Variants in EEF2KMT observed in about 807,000 individuals in gnomAD.
EEF2KMT encodes the protein protein-lysine N-methyltransferase EEF2KMT.
EEF2KMT carries 30 observed loss-of-function variants against 35.1 expected under a neutral mutation model. The observed-to-expected ratio is 0.85, with a 90% CI of 0.64 to 1.16. The LOEUF (loss-of-function observed/expected upper bound fraction) is 1.16. Among genes scored for constraint, EEF2KMT ranks in the 50% most tolerant of loss-of-function variants. The pLI is 0.00. For synonymous variants in EEF2KMT, 190 were observed against 187.7 expected (o/e 1.01, Z -0.10); for missense variants, 499 against 438.2 (o/e 1.14, Z -1.24).
Position 5,091,832 on chromosome 16 carries a change from C to T in EEF2KMT, c.304G>A (p.Ala102Thr). 1.9e-6 allele frequency: 3 copies of T among 1,611,888 alleles called. No individual in the cohort carries two copies. Among genetic ancestry groups the T allele is most frequent in the East Asian group, 4.5e-5 (2 of 44,874 alleles). The change falls in exon 4 of 8, where the codon GCC becomes ACC. Residue 102 changes from alanine to threonine, a missense_variant. Transcript: ENST00000427587. Reference sequence around the variant, plus strand: ...CGGTGGCCCTGGGTGGACTCCTTGGCCATCAGGGTCTCCGCCAGCGCTTCA... The same window carrying T: ...CGGTGGCCCTGGGTGGACTCCTTGGTCATCAGGGTCTCCGCCAGCGCTTCA... ...LYEALAETLM[A>T]KESTQGHRSY...
chr16:5,095,640 A>T (rs1957443507), intron 1 of EEF2KMT, 126 bp from the exon 2 acceptor site: 1 of 1,461,680 alleles, frequency 6.8e-7, no homozygotes, highest in Non-Finnish European at 9.5e-7. Flanking sequence ...TGGAAGTGGA[A>T]GCCACAGCGG....
In EEF2KMT at chr16:5,084,508, C is replaced by G. The variant is rs1006577379; in HGVS notation, c.*1124G>C. ...AGGGGAATGGGCAGCACGTAGAGGC[C>G]GGGAGGTGCTCCAGGGCACCAAGTG... is the stretch of plus-strand genomic sequence containing the variant. On this transcript the variant is annotated 3_prime_UTR_variant, in exon 8 of 8. Transcript: ENST00000427587. The G allele has an allele frequency of 1.5e-6, 1 of 663,100 alleles. No homozygotes were observed. The highest frequency in any genetic ancestry group is 1.8e-5 in the African/African-American group (1 of 55,560). 41.1% of individuals were successfully genotyped at this position (663,100 alleles called of 1,614,324 possible). A position where few individuals can be genotyped will look rare whatever the true frequency, so the allele number is the denominator to read the frequency against.
intron 7 of EEF2KMT, chr16:5,087,382 C>A (rs953080149): frequency 1.3e-5 from 2 of 152,222 alleles, no homozygotes; most frequent in African/African-American, 4.8e-5. Context: ...GAGATGAAGT[C>A]TCGCTATGTT....
At chr16:5,095,609 C>A in intron 1 of EEF2KMT, 95 bp from the exon 2 acceptor site, 1 of 1,581,570 alleles carries the variant, frequency 6.3e-7, no homozygotes, top group Non-Finnish European at 8.7e-7. Context: ...TGTGATCCCT[C>A]CCTGGGGACG....
chr16:5,090,661 C>G lies in EEF2KMT; in HGVS notation c.343-96G>C, dbSNP rs992489957. ...CACCACATGGCTGAATAAACCATGA[C>G]AGGACCAATCGCCACTCAGCAATGA... On this transcript the variant is annotated intron_variant, in intron 4 of 7. Coordinates refer to ENST00000427587, the MANE Select transcript of EEF2KMT (RefSeq NM_201400.4). This position sits in a 1 kb window ranked among gnomAD's most constrained non-coding sequence, Gnocchi z 4.1. 3 of 1,502,748 alleles carry G rather than the reference C, an allele frequency of 2.0e-6. No individual in the cohort carries two copies. The highest frequency in any genetic ancestry group is 2.7e-6 in the Non-Finnish European group (3 of 1,096,462). The allele number at this position is 1,502,748 out of a possible 1,614,324, so 93.1% of individuals were successfully genotyped here.
chr16:5,090,321 C>T lies in EEF2KMT; in HGVS notation c.505G>A (p.Gly169Ser), dbSNP rs772775979. Residue 169 changes from glycine (G) to serine (S), a missense_variant, in exon 6 of 8, where the codon GGC becomes AGC. Gly to Ser is a moderately conservative substitution (Grantham distance 56, BLOSUM62 0). Coordinates refer to ENST00000427587, the MANE Select transcript of EEF2KMT (RefSeq NM_201400.4). This position sits in a 1 kb window ranked among gnomAD's most constrained non-coding sequence, Gnocchi z 4.1. Reference sequence around the variant, plus strand: ...TTGCAGATGGCCAGGCCTGTGAGGCCAGCACCACTGCCAAGCTCTAGGACA... The same window carrying T: ...TTGCAGATGGCCAGGCCTGTGAGGCTAGCACCACTGCCAAGCTCTAGGACA... ...RTVLELGSGA[G>S]LTGLAICKMC... is the part of the protein sequence containing the mutation. 6.2e-7 allele frequency: 1 copy of T among 1,612,070 alleles called. No individual in the cohort carries two copies. Among genetic ancestry groups the T allele is most frequent in the South Asian group, 1.1e-5 (1 of 90,996 alleles).
In EEF2KMT at chr16:5,090,698, C is replaced by A. The variant is rs191594257; in HGVS notation, c.343-133G>T. 8 of 1,260,830 alleles carry A rather than the reference C, an allele frequency of 6.3e-6. No homozygotes were observed. In the South Asian group the frequency reaches 9.8e-5, roughly 15 times the overall value. 78.1% of individuals were successfully genotyped at this position (1,260,830 alleles called of 1,614,324 possible). ...CCACTCAGCAATGAGAAGCAGCTAA[C>A]TGTTGGCATGCCAACAGCTTTCACG... On this transcript the variant is annotated intron_variant, in intron 4 of 7. Coordinates refer to ENST00000427587, the MANE Select transcript of EEF2KMT (RefSeq NM_201400.4). This position sits in a 1 kb window ranked among gnomAD's most constrained non-coding sequence, Gnocchi z 4.1.
intron 7 of EEF2KMT, 151 bp downstream of exon 7, chr16:5,088,956 C>G: frequency 1.3e-6 from 2 of 1,542,900 alleles, no homozygotes; most frequent in South Asian, 1.1e-5. Flanking sequence ...CCAAGCCCAC[C>G]CTGCTCACTG....
chr16:5,096,987 T>C (rs1468947699), intron 1 of EEF2KMT, among the ~76,000 whole-genome samples: 1 of 152,174 alleles, frequency 6.6e-6, no homozygotes, highest in East Asian at 1.9e-4. Flanking sequence ...GAGGAATATA[T>C]ATCCAAACTC....
At position 5,085,161 on chromosome 16, in the gene EEF2KMT, C is replaced by G; in HGVS notation, c.*471G>C. On this transcript the variant is annotated 3_prime_UTR_variant, in exon 8 of 8. Transcript: ENST00000427587. The stretch of plus-strand genomic sequence containing the variant: ...TACTGTTCTGTGACTTCCCTGTGAC[C>G]TCTGCAGAACTCCTCATCCTGCGTT... The G allele has an allele frequency of 1.7e-6, 1 of 598,078 alleles. No homozygotes were observed. Among genetic ancestry groups the G allele is most frequent in the South Asian group, 2.0e-5 (1 of 49,102 alleles). The allele number at this position is 598,078 out of a possible 1,614,324, so 37.0% of individuals were successfully genotyped here.
At chr16:5,096,818 C>G (rs2334147) in intron 1 of EEF2KMT, among the ~76,000 whole-genome samples, 1 of 152,238 alleles carries the variant, frequency 6.6e-6, no homozygotes, top group African/African-American at 2.4e-5. Flanking sequence ...ACAGTCAATA[C>G]TGAATGGAGA....
chr16:5,084,884 C>G lies in EEF2KMT; in HGVS notation c.*748G>C. ...TCCCTTTGGTTATGGACACATAACTCCTGGGCCAGAGGCTAAAACCCCAGG... is the reference window on the plus strand; with the variant it reads ...TCCCTTTGGTTATGGACACATAACTGCTGGGCCAGAGGCTAAAACCCCAGG... On this transcript the variant is annotated 3_prime_UTR_variant, in exon 8 of 8. Transcript: ENST00000427587. The G allele has an allele frequency of 3.8e-6, 6 of 1,588,174 alleles. No individual in the cohort carries two copies. The highest frequency in any genetic ancestry group is 5.1e-6 in the Non-Finnish European group (6 of 1,175,780).
intron 1 of EEF2KMT, chr16:5,097,350 C>T (rs1405226628): frequency 2.1e-6 from 3 of 1,445,970 alleles, no homozygotes; most frequent in South Asian, 2.4e-5. Flanking sequence ...AGAACGATTA[C>T]TGCCTTTAAA....
intron 1 of EEF2KMT, 58 bp downstream of exon 1, chr16:5,097,586 C>G (rs1247578086): frequency 6.5e-7 from 1 of 1,528,284 alleles, no homozygotes; most frequent in Non-Finnish European, 8.7e-7. Flanking sequence ...AGACCCGTCC[C>G]GTCTGCCCCT....
intron 6 of EEF2KMT, 149 bp from the exon 7 acceptor site, chr16:5,089,405 A>G (rs1482223664): frequency 3.7e-5 from 40 of 1,093,398 alleles, no homozygotes; most frequent in Middle Eastern, 6.0e-4. Context: ...TGGAAAGGCA[A>G]TTACTTGGGT....
intron 4 of EEF2KMT, 116 bp downstream of exon 4, chr16:5,091,678 A>T: frequency 1.3e-6 from 2 of 1,501,018 alleles, no homozygotes; most frequent in South Asian, 1.3e-5. Flanking sequence ...GACGGACCTC[A>T]TGTCTAAGAC....
intron 4 of EEF2KMT, among the ~76,000 whole-genome samples, chr16:5,091,565 G>T (rs1462062099): frequency 6.6e-6 from 1 of 152,250 alleles, no homozygotes; most frequent in South Asian, 2.1e-4. Context: ...GAAGCAGGTA[G>T]TGTGTGTCAC....
In EEF2KMT at chr16:5,097,724, T is replaced by C; in HGVS notation, c.16A>G (p.Asn6Asp). 6.4e-7 allele frequency: 1 copy of C among 1,568,758 alleles called. No homozygotes were observed. The highest frequency in any genetic ancestry group is 8.6e-7 in the Non-Finnish European group (1 of 1,162,542). MAPEE[N>D]AGTELLLQSF... ...TGCAGCAAGAGTTCGGTCCCCGCGT[T>C]CTCCTCGGGCGCCATGACGTGGGCG... is the stretch of plus-strand genomic sequence containing the variant. The change falls in exon 1 of 8, where the codon AAC becomes GAC. Residue 6 changes from asparagine to aspartate, a missense_variant. Asn to Asp is a conservative substitution (Grantham distance 23, BLOSUM62 1). Transcript: ENST00000427587.
chr16:5,088,410 T>C (rs918757030), intron 7 of EEF2KMT, among the ~76,000 whole-genome samples: 1 of 152,118 alleles, frequency 6.6e-6, no homozygotes, highest in Non-Finnish European at 1.5e-5. Context: ...TCTGTGCACA[T>C]GGCTGCCAGG....
Sources: gnomAD v4.1 joint callset for allele counts (sites outside exome capture counted in the v4.1 genomes callset) on GRCh38, gnomAD v4.1.1 for gene constraint, Gnocchi (gnomAD v3.1) non-coding constraint, MANE v1.5 for transcripts, NCBI Gene and HGNC (gene_info 2026-07-23, HGNC 2026-07-21) for gene names.